Variants in RGS7BP observed in about 807,000 individuals in gnomAD.
RGS7BP encodes regulator of G protein signaling 7 binding protein, also known as regulator of G protein signaling 7-binding protein.
Under a neutral mutation model 31.3 loss-of-function variants are expected in RGS7BP, and 9 were observed. That is an observed-to-expected ratio of 0.29 (90% CI 0.17 to 0.50). The LOEUF (loss-of-function observed/expected upper bound fraction) is 0.50, where lower values mean the gene tolerates loss of function less well. Ranked by LOEUF, RGS7BP falls within the 20% of genes least tolerant of loss-of-function variation. The probability of loss-of-function intolerance (pLI) is 0.98; values close to 1 mark genes in which losing one functional copy is unlikely to be tolerated. For missense variants in RGS7BP, 274 were observed against 322.0 expected (o/e 0.85, Z 1.14); for synonymous variants, 115 against 120.1 (o/e 0.96, Z 0.28).
At chr5:64,581,441 A>G (rs1445535118) in intron 3 of RGS7BP, among the ~76,000 whole-genome samples, 1 of 152,124 alleles carries the variant, frequency 6.6e-6, no homozygotes, top group Non-Finnish European at 1.5e-5. Flanking sequence ...CTATACATTT[A>G]ATTTGTTTTT....
intron 3 of RGS7BP, among the ~76,000 whole-genome samples, chr5:64,589,452 C>T (rs1470260579): frequency 6.6e-6 from 1 of 152,126 alleles, no homozygotes; most frequent in Non-Finnish European, 1.5e-5. Flanking sequence ...ACTAAGGACA[C>T]AGTATCACCC....
chr5:64,571,850 G>C (rs891157425), intron 2 of RGS7BP, among the ~76,000 whole-genome samples: 2 of 152,030 alleles, frequency 1.3e-5, no homozygotes, highest in African/African-American at 4.8e-5. Context: ...GATTCATCTT[G>C]AACTCTAAAG....
intron 2 of RGS7BP, among the ~76,000 whole-genome samples, chr5:64,521,766 A>G (rs1367869632): frequency 6.6e-6 from 1 of 152,210 alleles, no homozygotes; most frequent in African/African-American, 2.4e-5. Context: ...TCCTTGATAT[A>G]TAATAAGCAC....
intron 2 of RGS7BP, among the ~76,000 whole-genome samples, chr5:64,521,043 A>G (rs2111899146): frequency 6.6e-6 from 1 of 152,322 alleles, no homozygotes; most frequent in Admixed American, 6.5e-5. Context: ...TAAAATCATC[A>G]CGGTAATTAT....
In RGS7BP at chr5:64,530,480, T is replaced by C. The variant is rs191831361; in HGVS notation, c.332+22603T>C. Among the ~76,000 whole-genome samples, 3 of 152,326 alleles carry C rather than the reference T, an allele frequency of 2.0e-5. No individual in the cohort carries two copies. In the East Asian group the frequency reaches 5.8e-4, roughly 29 times the overall value. ...GTGTGATATTTTTATTCTTGTGTAA[T>C]AGACGAGGAAATGAAGGCTCACAAA... On this transcript the variant is annotated intron_variant, in intron 2 of 5. Transcript: ENST00000334025.
Position 64,506,890 on chromosome 5 carries a change from C to T in RGS7BP, c.165+101C>T. 8.9e-7 allele frequency: 1 copy of T among 1,124,066 alleles called. No homozygotes were observed. The highest frequency in any genetic ancestry group is 1.6e-5 in the South Asian group (1 of 61,520). The allele number at this position is 1,124,066 out of a possible 1,614,324, so 69.6% of individuals were successfully genotyped here. On this transcript the variant is annotated intron_variant, in intron 1 of 5. Transcript: ENST00000334025. The surrounding 1 kb of genome is among the most constrained non-coding windows in gnomAD (Gnocchi z 4.6). Reference sequence around the variant, plus strand: ...TGCCTGAGTGCCAGCCACTCCCCCACCCTCAGCTCCTCAATGCCGATCACG... The same window carrying T: ...TGCCTGAGTGCCAGCCACTCCCCCATCCTCAGCTCCTCAATGCCGATCACG...
intron 3 of RGS7BP, among the ~76,000 whole-genome samples, chr5:64,579,295 C>T (rs1210596781): frequency 6.6e-6 from 1 of 151,936 alleles, no homozygotes; most frequent in Non-Finnish European, 1.5e-5. Flanking sequence ...TATGTAATCC[C>T]AGCACTATGG....
chr5:64,594,706 T>C lies in RGS7BP; in HGVS notation c.464-4T>C, dbSNP rs2111958343. 1.9e-6 allele frequency: 3 copies of C among 1,613,494 alleles called. No homozygotes were observed. The highest frequency in any genetic ancestry group is 2.7e-5 in the African/African-American group (2 of 74,990). The stretch of plus-strand genomic sequence containing the variant: ...TCTCTTTACCAACACCCTCCCTCCC[T>C]TAGGAAAGGAACCTGGCGGGGGAAC... On this transcript the variant is annotated splice_region_variant and splice_polypyrimidine_tract_variant and intron_variant, in intron 3 of 5. Coordinates refer to ENST00000334025, the MANE Select transcript of RGS7BP (RefSeq NM_001029875.3).
chr5:64,538,529 T>TC (rs1487223588), intron 2 of RGS7BP, among the ~76,000 whole-genome samples: 3 of 68,882 alleles, frequency 4.4e-5, no homozygotes, highest in African/African-American at 2.4e-4. Context: ...TTTTCTTTTC[T>TC]TTTTTTTTTT....
chr5:64,533,078 C>G (rs533574139), intron 2 of RGS7BP, among the ~76,000 whole-genome samples: 1 of 152,202 alleles, frequency 6.6e-6, no homozygotes, highest in Admixed American at 6.5e-5. Flanking sequence ...GGATGCCACC[C>G]CTGAGAACTC....
In RGS7BP at chr5:64,611,225, T is replaced by C. The variant is rs1240031045; in HGVS notation, c.*1973T>C. On this transcript the variant is annotated 3_prime_UTR_variant, in exon 6 of 6. Coordinates refer to ENST00000334025, the MANE Select transcript of RGS7BP (RefSeq NM_001029875.3). ...CTAAGGTCATTTCATTTAAGATCCA[T>C]TGTTTTTGAAATTTTGAAGTAGCCC... 3.9e-5 allele frequency: 6 copies of C among 151,954 alleles called. No individual in the cohort carries two copies. The East Asian group carries it at 1.2e-3, about 29-fold the overall frequency. 9.4% of individuals were successfully genotyped at this position (151,954 alleles called of 1,614,324 possible).
At chr5:64,569,080 T>TC (rs1437363378) in intron 2 of RGS7BP, among the ~76,000 whole-genome samples, 5 of 152,152 alleles carry the variant, frequency 3.3e-5, no homozygotes, top group Non-Finnish European at 7.4e-5. Flanking sequence ...CACTTCAGGT[T>TC]CCCCTTTACT....
At chr5:64,544,902 C>T (rs866297035) in intron 2 of RGS7BP, among the ~76,000 whole-genome samples, 113 of 152,144 alleles carry the variant, frequency 7.4e-4, no homozygotes, top group African/African-American at 2.6e-3. Flanking sequence ...TTTGGCCGGG[C>T]GTGGTGGCTC....
chr5:64,557,805 T>A (rs528231596), intron 2 of RGS7BP, among the ~76,000 whole-genome samples: 3 of 152,186 alleles, frequency 2.0e-5, no homozygotes, highest in Non-Finnish European at 2.9e-5. Context: ...TTAACTCTTA[T>A]GCTAATTTGT....
At chr5:64,570,738 A>G (rs1279370845) in intron 2 of RGS7BP, among the ~76,000 whole-genome samples, 1 of 152,150 alleles carries the variant, frequency 6.6e-6, no homozygotes, top group Non-Finnish European at 1.5e-5. Flanking sequence ...AGGGAAATGT[A>G]AATCCTCAGT....
At chr5:64,564,066 A>G (rs1184020930) in intron 2 of RGS7BP, among the ~76,000 whole-genome samples, 1 of 152,134 alleles carries the variant, frequency 6.6e-6, no homozygotes, top group Non-Finnish European at 1.5e-5. Flanking sequence ...TTAACTCCCT[A>G]TCTCTTAACA....
chr5:64,610,897 G>T lies in RGS7BP; in HGVS notation c.*1645G>T, dbSNP rs1743485956. ...AGGGTTGGAAGAGAACGTTATACAGGTCTCTATTTAGATCATACCAGCTGG... is the reference window on the plus strand; with the variant it reads ...AGGGTTGGAAGAGAACGTTATACAGTTCTCTATTTAGATCATACCAGCTGG... On this transcript the variant is annotated 3_prime_UTR_variant, in exon 6 of 6. Transcript: ENST00000334025. 1 of 151,756 alleles carries T rather than the reference G, an allele frequency of 6.6e-6. No individual in the cohort carries two copies. The highest frequency in any genetic ancestry group is 2.4e-5 in the African/African-American group (1 of 41,332). 9.4% of individuals were successfully genotyped at this position (151,756 alleles called of 1,614,324 possible).
chr5:64,594,134 C>A (rs1027098998), intron 3 of RGS7BP, among the ~76,000 whole-genome samples: 2 of 152,064 alleles, frequency 1.3e-5, no homozygotes, highest in Admixed American at 6.6e-5. Context: ...ATGGTCTCAG[C>A]GGTGTAAGGC....
At chr5:64,592,883 A>G (rs534636735) in intron 3 of RGS7BP, among the ~76,000 whole-genome samples, 2 of 152,188 alleles carry the variant, frequency 1.3e-5, no homozygotes, top group Non-Finnish European at 2.9e-5. Context: ...ACCCCTGCTC[A>G]GACTCACATC....
Sources: gnomAD v4.1 joint callset for allele counts (sites outside exome capture counted in the v4.1 genomes callset) on GRCh38, gnomAD v4.1.1 for gene constraint, Gnocchi (gnomAD v3.1) non-coding constraint, MANE v1.5 for transcripts, NCBI Gene and HGNC (gene_info 2026-07-23, HGNC 2026-07-21) for gene names.